The following CNGB3 variants were observed in gnomAD, a reference collection of about 807,000 sequenced individuals.
CNGB3 encodes cyclic nucleotide gated channel subunit beta 3, also known as cyclic nucleotide-gated channel beta-3.
A neutral mutation model predicts 92.8 loss-of-function variants in CNGB3; 86 were observed. The observed-to-expected ratio is 0.93, with a 90% confidence interval of 0.78 to 1.11. The LOEUF (loss-of-function observed/expected upper bound fraction) is 1.11, where lower values mean the gene tolerates loss of function less well. Among genes scored for constraint, CNGB3 ranks in the 50% least tolerant of loss-of-function variants. The probability of loss-of-function intolerance (pLI) is 0.00; values close to 1 mark genes in which losing one functional copy is unlikely to be tolerated. For missense variants in CNGB3, 1,026 were observed against 956.8 expected (o/e 1.07, Z -0.95); for synonymous variants, 333 against 332.7 (o/e 1.00, Z -0.01).
At chr8:86,600,955 A>C (rs776193311) in intron 15 of CNGB3, among the ~76,000 whole-genome samples, 6 of 151,918 alleles carry the variant, frequency 3.9e-5, no homozygotes, top group Non-Finnish European at 7.4e-5. Context: ...TTAGTAGCTC[A>C]GTCTGTTGGA....
intron 15 of CNGB3, among the ~76,000 whole-genome samples, chr8:86,586,786 G>A (rs1195404718): frequency 6.9e-6 from 1 of 144,278 alleles, no homozygotes; most frequent in Non-Finnish European, 1.5e-5. Flanking sequence ...GAATAGTGCC[G>A]CAATAAACAT....
At chr8:86,592,424 T>C (rs1822067870) in intron 15 of CNGB3, among the ~76,000 whole-genome samples, 1 of 152,258 alleles carries the variant, frequency 6.6e-6, no homozygotes, top group Non-Finnish European at 1.5e-5. Flanking sequence ...AGTTCTTTTT[T>C]ATGTTTTAAT....
chr8:86,669,071 C>T (rs1823806017), intron 4 of CNGB3, among the ~76,000 whole-genome samples: 1 of 151,930 alleles, frequency 6.6e-6, no homozygotes, highest in African/African-American at 2.4e-5. Flanking sequence ...TTTGTCTACA[C>T]TGAAATATTT....
intron 7 of CNGB3, among the ~76,000 whole-genome samples, chr8:86,649,149 A>C (rs1823349915): frequency 6.6e-6 from 1 of 151,602 alleles, no homozygotes; most frequent in African/African-American, 2.4e-5. Flanking sequence ...ACTACAAAAC[A>C]CTGCTGAGAG....
At chr8:86,645,538 T>C (rs983674643) in intron 8 of CNGB3, among the ~76,000 whole-genome samples, 2 of 151,296 alleles carry the variant, frequency 1.3e-5, no homozygotes, top group African/African-American at 4.8e-5. Context: ...ATATTTAATG[T>C]GCTTCAAATC....
intron 15 of CNGB3, among the ~76,000 whole-genome samples, chr8:86,587,959 C>T (rs1173675063): frequency 2.0e-5 from 3 of 150,884 alleles, no homozygotes; most frequent in African/African-American, 7.3e-5. Flanking sequence ...ATTGATTCTT[C>T]CTACCCATGA....
intron 3 of CNGB3, among the ~76,000 whole-genome samples, chr8:86,688,886 G>C (rs748712770): frequency 3.7e-4 from 56 of 151,360 alleles, no homozygotes; most frequent in Non-Finnish European, 6.5e-4. Flanking sequence ...TAATATAGTT[G>C]TTTACTTGAA....
At chr8:86,690,071 T>C (rs1824278096) in intron 3 of CNGB3, among the ~76,000 whole-genome samples, 1 of 152,236 alleles carries the variant, frequency 6.6e-6, no homozygotes, top group Admixed American at 6.5e-5. Flanking sequence ...CCTTTGGGCA[T>C]ATACCCAGTA....
chr8:86,693,931 C>A (rs924581247), intron 3 of CNGB3, among the ~76,000 whole-genome samples: 1 of 146,708 alleles, frequency 6.8e-6, no homozygotes, highest in East Asian at 2.3e-4. Flanking sequence ...CCGCCATTGT[C>A]ATCATGGCCC....
chr8:86,706,625 C>T (rs1167687949), intron 3 of CNGB3, among the ~76,000 whole-genome samples: 1 of 152,176 alleles, frequency 6.6e-6, no homozygotes, highest in Non-Finnish European at 1.5e-5. Context: ...GTTGCCTGGA[C>T]TGATGCCCTC....
chr8:86,726,460 G>C, intron 3 of CNGB3, 71 bp downstream of exon 3: 1 of 1,592,298 alleles, frequency 6.3e-7, no homozygotes, highest in Non-Finnish European at 8.6e-7. Flanking sequence ...GGGGAGAGTG[G>C]ATATTTGAGC....
intron 6 of CNGB3, among the ~76,000 whole-genome samples, chr8:86,666,196 G>A (rs770205982): frequency 1.3e-4 from 20 of 152,288 alleles, no homozygotes; most frequent in Non-Finnish European, 2.5e-4. Context: ...GAAAACAACT[G>A]CTTCACAGAC....
At chr8:86,719,721 G>A (rs915499989) in intron 3 of CNGB3, among the ~76,000 whole-genome samples, 1 of 152,104 alleles carries the variant, frequency 6.6e-6, no homozygotes, top group Non-Finnish European at 1.5e-5. Context: ...AAATCTGGAG[G>A]CATCACATTA....
chr8:86,722,804 C>T (rs758175272), intron 3 of CNGB3, among the ~76,000 whole-genome samples: 13 of 152,098 alleles, frequency 8.5e-5, no homozygotes, highest in Non-Finnish European at 1.3e-4. Context: ...CCTTTTGGGT[C>T]TCAAGTTTGC....
At chr8:86,579,425 TCA>T (rs1204379893) in intron 15 of CNGB3, among the ~76,000 whole-genome samples, 173 bp from the exon 16 acceptor site, 1 of 152,186 alleles carries the variant, frequency 6.6e-6, no homozygotes, top group Non-Finnish European at 1.5e-5. Context: ...TAGAAATGGC[TCA>T]GTTTTCAATA....
chr8:86,668,636 T>C (rs755292849), intron 4 of CNGB3, among the ~76,000 whole-genome samples: 1 of 149,272 alleles, frequency 6.7e-6, no homozygotes, highest in Non-Finnish European at 1.5e-5. Flanking sequence ...AATACGTCAA[T>C]GTAAAAAATT....
intron 10 of CNGB3, among the ~76,000 whole-genome samples, chr8:86,637,435 T>C (rs1823092962): frequency 6.6e-6 from 1 of 152,124 alleles, no homozygotes; most frequent in Non-Finnish European, 1.5e-5. Flanking sequence ...TTACTTTAGC[T>C]ATTCGGGGTC....
intron 15 of CNGB3, among the ~76,000 whole-genome samples, chr8:86,590,110 T>C (rs1821994364): frequency 6.6e-6 from 1 of 152,026 alleles, no homozygotes; most frequent in East Asian, 1.9e-4. Context: ...TCTTTGTCTC[T>C]TTTGATCTTT....
At chr8:86,624,971 C>T (rs1382647421) in intron 13 of CNGB3, among the ~76,000 whole-genome samples, 1 of 152,142 alleles carries the variant, frequency 6.6e-6, no homozygotes, top group Non-Finnish European at 1.5e-5. Flanking sequence ...ACTGACCACA[C>T]CTGCCTTGGT....
Sources: allele counts gnomAD v4.1 joint callset (sites outside exome capture counted in the v4.1 genomes callset), GRCh38; gene constraint gnomAD v4.1.1; transcripts MANE v1.5; gene names NCBI Gene and HGNC (gene_info 2026-07-23, HGNC 2026-07-21).